Variants in SLC14A2 observed in about 807,000 individuals in gnomAD.
SLC14A2 encodes the protein solute carrier family 14 member 2.
A neutral mutation model predicts 104.6 loss-of-function variants in SLC14A2; 91 were observed. That is an observed-to-expected ratio of 0.87 (90% CI 0.73 to 1.04). The LOEUF (loss-of-function observed/expected upper bound fraction) is 1.04. SLC14A2 is among the 50% of genes least tolerant of loss of function. The probability of loss-of-function intolerance (pLI) is 0.00; values close to 1 mark genes in which losing one functional copy is unlikely to be tolerated. For synonymous variants in SLC14A2, 476 were observed against 466.4 expected (o/e 1.02, Z -0.27); for missense variants, 1,189 against 1,156.0 (o/e 1.03, Z -0.41).
At chr18:45,503,380 A>G (rs539381299) in intron 2 of SLC14A2, among the ~76,000 whole-genome samples, 39 of 152,290 alleles carry the variant, frequency 2.6e-4, no homozygotes, top group African/African-American at 9.4e-4. Flanking sequence ...TTACTGAGCA[A>G]GTTTCCCTTC....
chr18:45,246,955 A>G (rs2084373277), intron 1 of SLC14A2, among the ~76,000 whole-genome samples: 1 of 152,210 alleles, frequency 6.6e-6, no homozygotes, highest in Non-Finnish European at 1.5e-5. Flanking sequence ...CAGACCATCC[A>G]GTTTGAAAAA....
chr18:45,574,299 C>T (rs9947218), intron 2 of SLC14A2, among the ~76,000 whole-genome samples: 3,146 of 152,212 alleles, frequency 0.021, 126 homozygotes, highest in African/African-American at 0.072. Context: ...TGCTACCAGA[C>T]AGAAGGTTCA....
At chr18:45,612,465 T>C (rs1452412176), upstream of SLC14A2, among the ~76,000 whole-genome samples, 6 of 152,248 alleles carry the variant, frequency 3.9e-5, no homozygotes, top group African/African-American at 1.2e-4. Flanking sequence ...CCCACATGAA[T>C]ACATCACTCA....
At chr18:45,647,653 A>G (rs2045646231) in intron 10 of SLC14A2, 1 of 152,224 alleles carries the variant, frequency 6.6e-6, no homozygotes, top group African/African-American at 2.4e-5. Flanking sequence ...GCTGGATACT[A>G]TAGGTTTTAG....
chr18:45,575,104 C>T (rs1051238549), intron 2 of SLC14A2, among the ~76,000 whole-genome samples: 6 of 152,178 alleles, frequency 3.9e-5, no homozygotes, highest in African/African-American at 1.2e-4. Flanking sequence ...GTGAACTCCA[C>T]GTGAGCACTA....
intron 1 of SLC14A2, among the ~76,000 whole-genome samples, chr18:45,477,853 CA>C (rs1335504955): frequency 6.6e-6 from 1 of 152,186 alleles, no homozygotes; most frequent in Non-Finnish European, 1.5e-5. Context: ...TCGAGCATCC[CA>C]GGCTGACTTC....
intron 1 of SLC14A2, among the ~76,000 whole-genome samples, chr18:45,413,232 G>C (rs1349847833): frequency 1.3e-5 from 2 of 152,226 alleles, no homozygotes; most frequent in Non-Finnish European, 2.9e-5. Flanking sequence ...AAAGGGCATC[G>C]GGAGGTTTTC....
intron 1 of SLC14A2, among the ~76,000 whole-genome samples, chr18:45,403,209 G>C (rs1331464566): frequency 1.3e-5 from 2 of 152,046 alleles, no homozygotes; most frequent in African/African-American, 4.8e-5. Flanking sequence ...ATAGATCTTT[G>C]GTGGCTTTTC....
At chr18:45,666,259 A>G (rs906904379) in intron 12 of SLC14A2, 40 bp downstream of exon 12, 2 of 1,385,598 alleles carry the variant, frequency 1.4e-6, no homozygotes, top group Non-Finnish European at 2.1e-6. Flanking sequence ...AGCGCCCTAC[A>G]GTCACAGAGC....
At chr18:45,540,123 T>A (rs1419480090) in intron 2 of SLC14A2, among the ~76,000 whole-genome samples, 1 of 152,082 alleles carries the variant, frequency 6.6e-6, no homozygotes, top group Non-Finnish European at 1.5e-5. Flanking sequence ...ATGAGGTGAC[T>A]GAGAGGGCAG....
rs148162428 is a variant in SLC14A2, at chr18:45,657,185, G to A, written c.1352-6600G>A. ...AAGCAGAGTTGAATTGAAAGATTTT[G>A]ACTAGGCCGGGCACAGTGGCTCACG... On this transcript the variant is annotated intron_variant, in intron 10 of 19. Transcript: ENST00000255226. Among the ~76,000 whole-genome samples the A allele has an allele frequency of 3.9e-5, 6 of 152,224 alleles. No individual in the cohort carries two copies. In the South Asian group the frequency reaches 8.3e-4, roughly 21 times the overall value.
At position 45,309,903 on chromosome 18, in the gene SLC14A2, T is replaced by TTATA. The variant is rs138889371; in HGVS notation, c.-125+96725_-125+96728dup. On this transcript the variant is annotated intron_variant, in intron 1 of 20. Transcript: ENST00000586448. ...AAATTTGATGATCATCATTCTCCAT[T>TTATA]TATATATATATATATAGCCCTACGC... is the stretch of plus-strand genomic sequence containing the variant. Among the ~76,000 whole-genome samples, 25 of 149,274 alleles carry TTATA rather than the reference T, an allele frequency of 1.7e-4. 1 individual carries two copies. Among genetic ancestry groups the TTATA allele is most frequent in the Non-Finnish European group, 2.2e-4 (15 of 67,112 alleles).
chr18:45,306,706 C>T (rs138550165), intron 1 of SLC14A2, among the ~76,000 whole-genome samples: 284 of 152,282 alleles, frequency 1.9e-3, no homozygotes, highest in Non-Finnish European at 3.2e-3. Flanking sequence ...CCTGGGGTCT[C>T]GTTCCTGCTC....
chr18:45,642,247 T>C (rs1033268100), intron 8 of SLC14A2, among the ~76,000 whole-genome samples: 1 of 152,218 alleles, frequency 6.6e-6, no homozygotes, highest in African/African-American at 2.4e-5. Context: ...GCTTGGAGAC[T>C]GAGAATGACT....
intron 1 of SLC14A2, among the ~76,000 whole-genome samples, chr18:45,350,381 C>CAT (rs2144304745): frequency 6.6e-6 from 1 of 152,312 alleles, no homozygotes; most frequent in African/African-American, 2.4e-5. Flanking sequence ...CAAACACACT[C>CAT]ATAGCTCAAG....
chr18:45,429,355 C>T (rs1022805012), intron 1 of SLC14A2, among the ~76,000 whole-genome samples: 19 of 152,082 alleles, frequency 1.2e-4, no homozygotes, highest in Admixed American at 6.5e-4. Context: ...CTGAAATTGG[C>T]GATGGCTAAG....
the SLC14A2 span, among the ~76,000 whole-genome samples, chr18:45,178,548 A>G: frequency 6.6e-6 from 1 of 152,200 alleles, no homozygotes; most frequent in East Asian, 1.9e-4. Flanking sequence ...AAAAATAGCA[A>G]AAGAATTATA....
rs545401132 is a variant in SLC14A2, at chr18:45,285,576, C to T, written c.-125+72385C>T. 1.5e-4 allele frequency among the ~76,000 whole-genome samples: 23 copies of T among 152,108 alleles called. No individual in the cohort carries two copies. In the South Asian group the frequency reaches 2.7e-3, roughly 18 times the overall value. Reference sequence around the variant, plus strand: ...GGGATTACAGGCACGCGTCACCACACTCAGCTTATTTTTGTATTTTTAGCA... The same window carrying T: ...GGGATTACAGGCACGCGTCACCACATTCAGCTTATTTTTGTATTTTTAGCA... On this transcript the variant is annotated intron_variant, in intron 1 of 20. Coordinates refer to the SLC14A2 transcript ENST00000586448.
chr18:45,326,714 G>A (rs1341206692), intron 1 of SLC14A2, among the ~76,000 whole-genome samples: 1 of 152,212 alleles, frequency 6.6e-6, no homozygotes, highest in Non-Finnish European at 1.5e-5. Context: ...AGGCACAGAG[G>A]CTGGCCTTTC....
Sources: allele counts gnomAD v4.1 joint callset (sites outside exome capture counted in the v4.1 genomes callset), GRCh38; gene constraint gnomAD v4.1.1; transcripts MANE v1.5; gene names NCBI Gene and HGNC (gene_info 2026-07-23, HGNC 2026-07-21).